The following FRMPD1 variants were observed in gnomAD, a reference collection of about 807,000 sequenced individuals.
The protein encoded by FRMPD1 is FERM and PDZ domain containing 1, also known as FERM and PDZ domain-containing protein 1.
In FRMPD1, 76 loss-of-function variants were observed where a neutral mutation model predicts 117.8. The ratio of observed to expected loss-of-function variants is 0.65; its 90% CI spans 0.54 to 0.78. FRMPD1 has a LOEUF of 0.78. Ranked by LOEUF, FRMPD1 falls within the 30% of genes least tolerant of loss-of-function variation. FRMPD1 has a pLI of 0.00. For synonymous variants in FRMPD1, 783 were observed against 770.4 expected, an observed-to-expected ratio of 1.02 and a Z score of -0.27; for missense variants, 1,786 against 1,964.5, an observed-to-expected ratio of 0.91 and a Z score of 1.72.
upstream of FRMPD1, among the ~76,000 whole-genome samples, chr9:37,650,416 C>A (rs571412455): frequency 2.6e-5 from 4 of 152,200 alleles, no homozygotes; most frequent in African/African-American, 9.6e-5. Context: ...AGTTTCCCAG[C>A]GCGGAAGGAG....
chr9:37,695,587 G>T (rs1822291871), intron 2 of FRMPD1, among the ~76,000 whole-genome samples: 1 of 152,102 alleles, frequency 6.6e-6, no homozygotes, highest in South Asian at 2.1e-4. Flanking sequence ...GGTGTCCTCA[G>T]ATTACTAGAA....
chr9:37,653,350 G>A (rs1052544207), intron 1 of FRMPD1, among the ~76,000 whole-genome samples: 2 of 152,282 alleles, frequency 1.3e-5, no homozygotes, highest in Non-Finnish European at 2.9e-5. Context: ...GTGTTTGAAG[G>A]CACCATTGGA....
At chr9:37,633,142 C>T in the FRMPD1 span, among the ~76,000 whole-genome samples, 5 of 151,780 alleles carry the variant, frequency 3.3e-5, no homozygotes, top group Non-Finnish European at 5.9e-5. Flanking sequence ...CAGGTTCAAG[C>T]GATTCTCCTG....
At chr9:37,715,220 C>T (rs112696576) in intron 5 of FRMPD1, among the ~76,000 whole-genome samples, 1 of 152,074 alleles carries the variant, frequency 6.6e-6, no homozygotes, top group East Asian at 1.9e-4. Context: ...TATTTATTGT[C>T]TTATTTAATT....
intron 15 of FRMPD1, among the ~76,000 whole-genome samples, chr9:37,742,129 ATTG>A (rs1201292359): frequency 6.6e-6 from 1 of 152,156 alleles, no homozygotes; most frequent in Non-Finnish European, 1.5e-5. Context: ...GCGTCTAGCA[ATTG>A]TTGTTAAATG....
intron 1 of FRMPD1, among the ~76,000 whole-genome samples, chr9:37,667,574 A>G (rs1047229697): frequency 6.6e-6 from 1 of 150,758 alleles, no homozygotes; most frequent in Non-Finnish European, 1.5e-5. Context: ...GCTGCTTGGG[A>G]GGCTGAGACA....
At chr9:37,704,713 T>C (rs1288230099) in intron 2 of FRMPD1, among the ~76,000 whole-genome samples, 1 of 152,038 alleles carries the variant, frequency 6.6e-6, no homozygotes, top group African/African-American at 2.4e-5. Context: ...TATTCATAAA[T>C]GTTATTAATT....
chr9:37,608,132 T>C, the FRMPD1 span, among the ~76,000 whole-genome samples: 11 of 152,364 alleles, frequency 7.2e-5, no homozygotes, highest in South Asian at 2.3e-3. Context: ...AGGCTGGGAA[T>C]GTCTTCCCCA....
At chr9:37,687,931 C>G (rs751876976) in intron 1 of FRMPD1, among the ~76,000 whole-genome samples, 10 of 152,068 alleles carry the variant, frequency 6.6e-5, no homozygotes, top group Non-Finnish European at 1.3e-4. Flanking sequence ...AAAGTGCAGA[C>G]TACTGAGTAT....
At chr9:37,683,892 G>A (rs1054583429) in intron 1 of FRMPD1, among the ~76,000 whole-genome samples, 1 of 148,902 alleles carries the variant, frequency 6.7e-6, no homozygotes, top group Non-Finnish European at 1.5e-5. Flanking sequence ...AAAAGGCTTT[G>A]GGGGGAACAA....
rs1362578070 is a variant in FRMPD1, at chr9:37,744,382, C to T, written c.2357-7C>T. 1 of 1,565,368 alleles carries T rather than the reference C, an allele frequency of 6.4e-7. No individual in the cohort carries two copies. The highest frequency in any genetic ancestry group is 8.6e-7 in the Non-Finnish European group (1 of 1,157,196). Reference sequence around the variant, plus strand: ...TTTTAATGTATTTTTTCTTTCCTGACTCCCAGGGCCCAGAGATGTTTCTAC... The same window carrying T: ...TTTTAATGTATTTTTTCTTTCCTGATTCCCAGGGCCCAGAGATGTTTCTAC... On this transcript the variant is annotated splice_region_variant and splice_polypyrimidine_tract_variant and intron_variant, in intron 15 of 15. Coordinates refer to ENST00000377765, the MANE Select transcript of FRMPD1 (RefSeq NM_014907.3).
intron 5 of FRMPD1, among the ~76,000 whole-genome samples, chr9:37,713,414 C>A (rs1822983482): frequency 6.6e-6 from 1 of 151,980 alleles, no homozygotes; most frequent in African/African-American, 2.4e-5. Flanking sequence ...AGTTCAAGAC[C>A]AGCCTGGGCA....
upstream of FRMPD1, chr9:37,650,866 G>T (rs1820647692): frequency 1.4e-5 from 2 of 148,010 alleles, no homozygotes; most frequent in African/African-American, 4.9e-5. Flanking sequence ...TGGCGGCCGC[G>T]CAGCTGCAGC....
At chr9:37,720,522 G>A (rs537808795) in intron 6 of FRMPD1, among the ~76,000 whole-genome samples, 6 of 152,284 alleles carry the variant, frequency 3.9e-5, no homozygotes, top group East Asian at 3.9e-4. Flanking sequence ...AAAATTAGCC[G>A]GGCGTGGTGG....
chr9:37,670,905 C>T lies in FRMPD1; in HGVS notation c.-5+19811C>T, dbSNP rs148606732. On this transcript the variant is annotated intron_variant, in intron 1 of 15. Transcript: ENST00000377765. ...GGTGATCGTTGGATTTTGAAATAAG[C>T]ATCCAGGGCATAGTTTATTGTCTGG... 2.4e-3 allele frequency among the ~76,000 whole-genome samples: 360 copies of T among 152,328 alleles called. 4 individuals carry two copies. The highest frequency in any genetic ancestry group is 8.2e-3 in the African/African-American group (339 of 41,566).
rs1375226225 is a variant in FRMPD1 at position 37,724,277 on chromosome 9, G to T, written c.569G>T (p.Gly190Val). 6.2e-7 allele frequency: 1 copy of T among 1,605,106 alleles called. No individual in the cohort carries two copies. Among genetic ancestry groups the T allele is most frequent in the East Asian group, 2.2e-5 (1 of 44,832 alleles). Reference sequence around the variant, plus strand: ...GTGCTCAAGCTATACTTGGAGAATGGACAGACCAAAGCTTTCAAGTTTGAG... The same window carrying T: ...GTGCTCAAGCTATACTTGGAGAATGTACAGACCAAAGCTTTCAAGTTTGAG... Reference protein sequence around the residue: ...PNVLKLYLENGQTKAFKFEAN... With the variant: ...PNVLKLYLENVQTKAFKFEAN... Residue 190 changes from glycine to valine, a missense_variant, in exon 7 of 16, where the codon GGA becomes GTA. Physicochemically the swap from Gly to Val is moderately radical, Grantham distance 109 (BLOSUM62 -3). Coordinates refer to ENST00000377765, the MANE Select transcript of FRMPD1 (RefSeq NM_014907.3).
chr9:37,641,819 C>T, the FRMPD1 span, among the ~76,000 whole-genome samples: 1 of 152,140 alleles, frequency 6.6e-6, no homozygotes. Flanking sequence ...CCCCAACATC[C>T]CCCAGTTACT....
the FRMPD1 span, among the ~76,000 whole-genome samples, chr9:37,636,244 A>T: frequency 7.8e-4 from 119 of 152,236 alleles, no homozygotes; most frequent in African/African-American, 2.6e-3. Flanking sequence ...TCCCCTGGTC[A>T]CACTCCTGGC....
intron 5 of FRMPD1, among the ~76,000 whole-genome samples, chr9:37,716,320 A>G (rs769856610): frequency 6.6e-6 from 1 of 152,168 alleles, no homozygotes; most frequent in Non-Finnish European, 1.5e-5. Context: ...GATTTTTTGG[A>G]TGCTCAACAC....
Sources: gnomAD v4.1 joint callset for allele counts (sites outside exome capture counted in the v4.1 genomes callset) on GRCh38, gnomAD v4.1.1 for gene constraint, MANE v1.5 for transcripts, NCBI Gene and HGNC (gene_info 2026-07-23, HGNC 2026-07-21) for gene names.